The following ATXN2 variants were observed in gnomAD, a reference collection of about 807,000 sequenced individuals.
ATXN2 encodes the protein ataxin-2.
A neutral mutation model predicts 138.6 loss-of-function variants in ATXN2; 37 were observed. That is an observed-to-expected ratio of 0.27 (90% CI 0.21 to 0.35). ATXN2 has a LOEUF of 0.35. ATXN2 is among the 10% of genes least tolerant of loss of function. ATXN2 has a pLI of 1.00. For synonymous variants in ATXN2, 549 were observed against 543.7 expected (o/e 1.01, Z -0.13); for missense variants, 1,216 against 1,480.3 (o/e 0.82, Z 2.93).
chr12:111,456,245 G>A lies in ATXN2; in HGVS notation c.3054C>T (p.His1018=). 1.2e-6 allele frequency: 2 copies of A among 1,614,228 alleles called. No individual in the cohort carries two copies. Among genetic ancestry groups the A allele is most frequent in the Non-Finnish European group, 1.7e-6 (2 of 1,180,034 alleles). ...PAPSPVQHHQ[H]QAAQALHLAS... is the part of the protein sequence containing the mutation. ...CCAGATGGAGAGCCTGGGCGGCCTG[G>A]TGCTGATGGTGCTGCAAAGCGACAG... Residue 1018 remains histidine, a synonymous_variant, in exon 23 of 25, where the codon CAC becomes CAT. Coordinates refer to ENST00000673436, the MANE Select transcript of ATXN2 (RefSeq NM_001372574.1).
intron 5 of ATXN2, among the ~76,000 whole-genome samples, chr12:111,532,039 A>C (rs543844404): frequency 6.6e-6 from 1 of 152,350 alleles, no homozygotes; most frequent in Non-Finnish European, 1.5e-5. Flanking sequence ...TATAAATTTA[A>C]AGAGGTGATG....
chr12:111,505,973 T>C (rs1004171713), intron 14 of ATXN2, among the ~76,000 whole-genome samples: 1 of 152,168 alleles, frequency 6.6e-6, no homozygotes, highest in Non-Finnish European at 1.5e-5. Flanking sequence ...ATAAACAAAA[T>C]GTGGTATTAT....
In ATXN2 at chr12:111,552,130, C is replaced by T; in HGVS notation, c.571+150G>A. 1.3e-6 allele frequency: 1 copy of T among 785,684 alleles called. No homozygotes were observed. The highest frequency in any genetic ancestry group is 1.9e-6 in the Non-Finnish European group (1 of 539,042). The allele number at this position is 785,684 out of a possible 1,614,324, so 48.7% of individuals were successfully genotyped here. On this transcript the variant is annotated intron_variant, in intron 5 of 24. Transcript: ENST00000673436. This position sits in a 1 kb window ranked among gnomAD's most constrained non-coding sequence, Gnocchi z 4.1. ...TCCTGACCTCAGGTGATCCACCCGC[C>T]TCAGCCTCCCTAAGTGCTAAGATTA...
intron 11 of ATXN2, chr12:111,511,449 A>G (rs1169030535): frequency 6.6e-6 from 1 of 151,370 alleles, no homozygotes; most frequent in African/African-American, 2.5e-5. Context: ...TTAACAGAAT[A>G]GCTGAAGCAG....
At chr12:111,460,123 C>T (rs1442531903) in intron 21 of ATXN2, among the ~76,000 whole-genome samples, 1 of 152,206 alleles carries the variant, frequency 6.6e-6, no homozygotes, top group Admixed American at 6.5e-5. Flanking sequence ...GCTCTGTTGC[C>T]CAGGGTGGAG....
intron 14 of ATXN2, among the ~76,000 whole-genome samples, chr12:111,504,270 T>C (rs1371203161): frequency 1.3e-5 from 2 of 152,164 alleles, no homozygotes; most frequent in South Asian, 2.1e-4. Context: ...CCAACAAGCA[T>C]GTGAAGATAA....
rs78589015 is a variant in ATXN2, at chr12:111,571,041, G to A, written c.252-15122C>T. 5.4e-3 allele frequency among the ~76,000 whole-genome samples: 824 copies of A among 152,292 alleles called. 5 individuals are homozygous for A. Among genetic ancestry groups the A allele is most frequent in the Admixed American group, 0.01 (158 of 15,278 alleles). On this transcript the variant is annotated intron_variant, in intron 1 of 24. Coordinates refer to ENST00000673436, the MANE Select transcript of ATXN2 (RefSeq NM_001372574.1). ...TTACTTGCCAGGCATTGCTTTAAGC[G>A]TGTTACATGTTTAATTCATTTAATC...
chr12:111,566,534 TAA>T (rs1365535871), intron 1 of ATXN2, among the ~76,000 whole-genome samples: 1 of 151,860 alleles, frequency 6.6e-6, no homozygotes. Flanking sequence ...GAAAACTTTC[TAA>T]AAAGTATTCA....
chr12:111,567,945 A>G (rs1883106377), intron 1 of ATXN2, among the ~76,000 whole-genome samples: 1 of 152,106 alleles, frequency 6.6e-6, no homozygotes, highest in Admixed American at 6.6e-5. Flanking sequence ...TAAGAATAAA[A>G]TTACCTTCCA....
upstream of ATXN2, chr12:111,599,637 G>A (rs1885175443): frequency 2.8e-6 from 3 of 1,082,916 alleles, no homozygotes; most frequent in African/African-American, 1.7e-5. Flanking sequence ...GGAGGGACAC[G>A]TGAGGAGCGG....
intron 14 of ATXN2, 63 bp from the exon 15 acceptor site, chr12:111,488,843 T>G (rs1352712532): frequency 4.2e-5 from 57 of 1,367,568 alleles, no homozygotes; most frequent in Non-Finnish European, 5.0e-5. Flanking sequence ...ATTTTTGCCA[T>G]GAGCACAAGC....
chr12:111,499,737 A>G (rs926611150), intron 14 of ATXN2, among the ~76,000 whole-genome samples: 2 of 151,758 alleles, frequency 1.3e-5, no homozygotes, highest in Non-Finnish European at 2.9e-5. Context: ...GCTCACAACT[A>G]TAATTTCAGC....
intron 2 of ATXN2, 74 bp downstream of exon 2, chr12:111,555,809 G>T: frequency 8.0e-7 from 1 of 1,248,352 alleles, no homozygotes; most frequent in Non-Finnish European, 1.1e-6. Flanking sequence ...CTTTTGCCTT[G>T]GCATTTGGTC....
rs1374016546 is a variant in ATXN2 at position 111,599,283 on chromosome 12, C to G, written c.-249G>C. ...GCGCCGCCGCCGTTGCCGTTGCTAC[C>G]AAAACAGTCTGAGGCGGAGGGAGGC... On this transcript the variant is annotated 5_prime_UTR_variant, in exon 1 of 25. Transcript: ENST00000673436. The G allele has an allele frequency of 1.0e-6, 1 of 993,060 alleles. No homozygotes were observed. The allele number at this position is 993,060 out of a possible 1,614,324, so 61.5% of individuals were successfully genotyped here.
chr12:111,516,191 A>G lies in ATXN2; in HGVS notation c.1338T>C (p.Ala446=). 6.3e-7 allele frequency: 1 copy of G among 1,585,664 alleles called. No homozygotes were observed. The highest frequency in any genetic ancestry group is 8.5e-7 in the Non-Finnish European group (1 of 1,171,992). Residue 446 remains alanine (A), a synonymous_variant, in exon 10 of 25, where the codon GCT becomes GCC. Coordinates refer to ENST00000673436, the MANE Select transcript of ATXN2 (RefSeq NM_001372574.1). The surrounding 1 kb of genome is among the most constrained non-coding windows in gnomAD (Gnocchi z 5.0). ...TGCGTTTAGGCATAGTAGAGACAGG[A>G]GCTGGAGAACCATGAGCAGAGGGGT... ...PSHPSAHGSP[A]PVSTMPKRMS... is the part of the protein sequence containing the mutation.
At chr12:111,468,104 T>A (rs1314712664) in intron 20 of ATXN2, among the ~76,000 whole-genome samples, 1 of 152,256 alleles carries the variant, frequency 6.6e-6, no homozygotes, top group South Asian at 2.1e-4. Context: ...ACCAGAAATG[T>A]ATAAACAATC....
Position 111,599,258 on chromosome 12 carries a change from G to A in ATXN2, c.-224C>T, listed in dbSNP as rs1037925868. The A allele has an allele frequency of 2.0e-5, 23 of 1,168,950 alleles. No homozygotes were observed. The highest frequency in any genetic ancestry group is 4.3e-5 in the East Asian group (1 of 23,382). The allele number at this position is 1,168,950 out of a possible 1,614,324, so 72.4% of individuals were successfully genotyped here. A position where few individuals can be genotyped will look rare whatever the true frequency, so the allele number is the denominator to read the frequency against. On this transcript the variant is annotated 5_prime_UTR_variant, in exon 1 of 25. Coordinates refer to ENST00000673436, the MANE Select transcript of ATXN2 (RefSeq NM_001372574.1). Reference sequence around the variant, plus strand: ...GAGCCGCCGGGAGCCGGGCCGAAACGCGCCGCCGCCGTTGCCGTTGCTACC... The same window carrying A: ...GAGCCGCCGGGAGCCGGGCCGAAACACGCCGCCGCCGTTGCCGTTGCTACC...
chr12:111,500,867 G>A (rs981860848), intron 14 of ATXN2, among the ~76,000 whole-genome samples: 9 of 152,162 alleles, frequency 5.9e-5, no homozygotes, highest in East Asian at 1.9e-4. Context: ...GTGAGACTCC[G>A]TCTAAAAATA....
At chr12:111,504,115 T>G (rs760456526) in intron 14 of ATXN2, among the ~76,000 whole-genome samples, 7 of 152,238 alleles carry the variant, frequency 4.6e-5, no homozygotes, top group Non-Finnish European at 7.4e-5. Context: ...AAATGTTTTC[T>G]GCTAACTGAA....
Sources: allele counts gnomAD v4.1 joint callset (sites outside exome capture counted in the v4.1 genomes callset), GRCh38; gene constraint gnomAD v4.1.1; non-coding constraint Gnocchi (gnomAD v3.1); transcripts MANE v1.5; gene names NCBI Gene and HGNC (gene_info 2026-07-23, HGNC 2026-07-21).